Variants in GRIP2 observed in about 807,000 individuals in gnomAD.
GRIP2 encodes the protein glutamate receptor interacting protein 2, also known as glutamate receptor-interacting protein 2.
GRIP2 carries 58 observed loss-of-function variants against 108.3 expected under a neutral mutation model. The observed-to-expected ratio is 0.54, with a 90% confidence interval of 0.43 to 0.67. GRIP2 has a LOEUF of 0.67. GRIP2 is among the 30% of genes least tolerant of loss of function. The probability of loss-of-function intolerance (pLI) is 0.00; values close to 1 mark genes in which losing one functional copy is unlikely to be tolerated. For missense variants in GRIP2, 1,278 were observed against 1,430.6 expected (o/e 0.89, Z 1.72); for synonymous variants, 586 against 598.2 (o/e 0.98, Z 0.30).
the GRIP2 span, among the ~76,000 whole-genome samples, chr3:14,595,870 C>T: frequency 6.6e-6 from 1 of 152,216 alleles, no homozygotes; most frequent in Non-Finnish European, 1.5e-5. Context: ...TGCTTCCTCC[C>T]CCTTCTCTTC....
the GRIP2 span, among the ~76,000 whole-genome samples, chr3:14,596,737 G>A: frequency 1.3e-5 from 2 of 152,032 alleles, no homozygotes; most frequent in East Asian, 1.9e-4. Context: ...GATGATTAGG[G>A]AAGGCTTCTC....
chr3:14,573,432 A>T, the GRIP2 span: 19 of 1,428,046 alleles, frequency 1.3e-5, no homozygotes, highest in African/African-American at 2.5e-4. Flanking sequence ...CCTGGTGTGC[A>T]GGAAGAGGGA....
At chr3:14,573,810 T>C in the GRIP2 span, 1 of 1,545,742 alleles carries the variant, frequency 6.5e-7, no homozygotes, top group Non-Finnish European at 8.9e-7. Context: ...GCCGGCAAGC[T>C]CTGGGGCGCT....
chr3:14,528,032 C>A (rs970215309), intron 1 of GRIP2, among the ~76,000 whole-genome samples: 1 of 152,230 alleles, frequency 6.6e-6, no homozygotes, highest in African/African-American at 2.4e-5. Flanking sequence ...TATTGGCCCC[C>A]AAAATTCTCC....
rs1412372131 is a variant in GRIP2, at chr3:14,511,658, C to T, written c.1721-179G>A. On this transcript the variant is annotated intron_variant, in intron 14 of 23. Coordinates refer to ENST00000621039, the MANE Select transcript of GRIP2 (RefSeq NM_001080423.4). This position sits in a 1 kb window ranked among gnomAD's most constrained non-coding sequence, Gnocchi z 4.1. Reference sequence around the variant, plus strand: ...TCACCTCCCTGTGCATCAGTTTCCCCCCTGTAAAATGGGGGTGGCACCGCA... The same window carrying T: ...TCACCTCCCTGTGCATCAGTTTCCCTCCTGTAAAATGGGGGTGGCACCGCA... 6.6e-6 allele frequency among the ~76,000 whole-genome samples: 1 copy of T among 152,206 alleles called. No homozygotes were observed. Among genetic ancestry groups the T allele is most frequent in the Non-Finnish European group, 1.5e-5 (1 of 68,038 alleles).
Position 14,506,824 on chromosome 3 carries a change from G to A in GRIP2, c.2375C>T (p.Thr792Ile). 6.2e-7 allele frequency: 1 copy of A among 1,603,166 alleles called. No individual in the cohort carries two copies. Among genetic ancestry groups the A allele is most frequent in the East Asian group, 2.3e-5 (1 of 44,330 alleles). The change falls in exon 19 of 24, where the codon ACC (threonine) becomes ATC (isoleucine). Residue 792 changes from threonine (T) to isoleucine (I), a missense_variant. Physicochemically the swap from Thr to Ile is moderately conservative, Grantham distance 89 (BLOSUM62 -1). Coordinates refer to ENST00000621039, the MANE Select transcript of GRIP2 (RefSeq NM_001080423.4). ...SAVESWDSSA[T>I]EGGFGGPGSY... The stretch of plus-strand genomic sequence containing the variant: ...ACCTGGGCCCCCAAAGCCACCCTCG[G>A]TGGCCGAGCTGTCCCAAGACTCCAC...
the GRIP2 span, among the ~76,000 whole-genome samples, chr3:14,562,235 G>A: frequency 3.3e-5 from 5 of 152,338 alleles, no homozygotes; most frequent in African/African-American, 1.2e-4. Flanking sequence ...ATGGATGATT[G>A]CAGGGCTGAG....
At chr3:14,494,773 A>G in intron 23 of GRIP2, 70 bp downstream of exon 23, 7 of 1,515,050 alleles carry the variant, frequency 4.6e-6, no homozygotes, top group South Asian at 1.3e-5. Context: ...CGATAGATGC[A>G]GGCTCTTTCC....
At position 14,511,242 on chromosome 3, in the gene GRIP2, A is replaced by G; in HGVS notation, c.1856T>C (p.Met619Thr). 5 of 1,613,896 alleles carry G rather than the reference A, an allele frequency of 3.1e-6. No homozygotes were observed. Among genetic ancestry groups the G allele is most frequent in the Non-Finnish European group, 4.2e-6 (5 of 1,179,874 alleles). The change falls in exon 16 of 24, where the codon ATG becomes ACG. Residue 619 changes from methionine to threonine, a missense_variant. Coordinates refer to ENST00000621039, the MANE Select transcript of GRIP2 (RefSeq NM_001080423.4). The surrounding 1 kb of genome is among the most constrained non-coding windows in gnomAD (Gnocchi z 4.1). ...IDNIRLDNCP[M>T]EDAVQILRQC... ...CCGCAGGATTTGCACGGCGTCCTCCATGGGGCAGTTGTCCAGGCGGATATT... is the reference window on the plus strand; with the variant it reads ...CCGCAGGATTTGCACGGCGTCCTCCGTGGGGCAGTTGTCCAGGCGGATATT...
At chr3:14,563,017 A>G in the GRIP2 span, among the ~76,000 whole-genome samples, 79,072 of 151,492 alleles carry the variant, frequency 0.52, 20,774 homozygotes, top group African/African-American at 0.58. Flanking sequence ...GTGGGGGAAA[A>G]AAAAAAGGAG....
rs552798620 is a variant in GRIP2 at position 14,517,112 on chromosome 3, T to C, written c.1258A>G (p.Thr420Ala). ...PRGSQPMSPRTTMGRRRQRRR... is the reference protein window; with the variant it reads ...PRGSQPMSPRATMGRRRQRRR... ...CGCTGCCTCCTCCGCCCCATTGTAG[T>C]TCGAGGACTCATGGGCTGGGATCCA... is the stretch of plus-strand genomic sequence containing the variant. The change falls in exon 11 of 24, where the codon ACT becomes GCT. Residue 420 changes from threonine to alanine, a missense_variant. By Grantham distance (58) the Thr-to-Ala change is moderately conservative. Transcript: ENST00000621039. The C allele has an allele frequency of 4.0e-5, 65 of 1,609,264 alleles. 1 individual carries two copies. The South Asian group carries it at 6.5e-4, about 16-fold the overall frequency.
chr3:14,520,551 GAAAA>G lies in GRIP2; in HGVS notation c.713-18_713-15del. 1 of 1,613,132 alleles carries G rather than the reference GAAAA, an allele frequency of 6.2e-7. No individual in the cohort carries two copies. The highest frequency in any genetic ancestry group is 1.7e-5 in the Admixed American group (1 of 59,948). On this transcript the variant is annotated splice_polypyrimidine_tract_variant and intron_variant, in intron 7 of 23. Transcript: ENST00000621039. The stretch of plus-strand genomic sequence containing the variant: ...TAGCCACCGTGTCTGGCATGACGGA[GAAAA>G]AAAGTTTGAAATGCAAATACCGAGC...
the GRIP2 span, among the ~76,000 whole-genome samples, chr3:14,572,174 C>T: frequency 6.6e-6 from 1 of 152,050 alleles, no homozygotes; most frequent in African/African-American, 2.4e-5. Context: ...CAGCGTTTTC[C>T]ATAAAAGTCA....
At chr3:14,573,183 CA>C in the GRIP2 span, 2 of 1,423,894 alleles carry the variant, frequency 1.4e-6, no homozygotes, top group Non-Finnish European at 2.0e-6. Flanking sequence ...GAAGGCATGC[CA>C]GGGCCGCTCC....
At chr3:14,536,625 C>T (rs1196074164) in intron 1 of GRIP2, among the ~76,000 whole-genome samples, 6 of 152,234 alleles carry the variant, frequency 3.9e-5, no homozygotes, top group Non-Finnish European at 5.9e-5. Context: ...GTCCAGCAGG[C>T]CTGAGCCACA....
Position 14,513,760 on chromosome 3 carries a change from G to T in GRIP2, c.1544C>A (p.Ala515Asp), listed in dbSNP as rs902392390. Residue 515 changes from alanine to aspartate, a missense_variant, in exon 13 of 24, where the codon GCC becomes GAC. By Grantham distance (126) the Ala-to-Asp change is moderately radical. Coordinates refer to ENST00000621039, the MANE Select transcript of GRIP2 (RefSeq NM_001080423.4). ...TTCCTCCATAGTCCCGTCCTCGGTGGCAATGCCATTGATGGACAGGACACG... is the reference window on the plus strand; with the variant it reads ...TTCCTCCATAGTCCCGTCCTCGGTGTCAATGCCATTGATGGACAGGACACG... ...GDRVLSINGIATEDGTMEEAN... is the reference protein window; with the variant it reads ...GDRVLSINGIDTEDGTMEEAN... 1.2e-6 allele frequency: 2 copies of T among 1,612,090 alleles called. No homozygotes were observed. The highest frequency in any genetic ancestry group is 2.7e-5 in the African/African-American group (2 of 74,918).
chr3:14,513,696 C>A lies in GRIP2; in HGVS notation c.1608G>T (p.Lys536Asn). The change falls in exon 13 of 24, where the codon AAG becomes AAT. Residue 536 changes from lysine (K) to asparagine (N), a missense_variant. Transcript: ENST00000621039. ...QLLRDAALAH[K>N]VVLEVEFDVA... is the part of the protein sequence containing the mutation. ...CATCGAACTCCACCTCCAGCACGAC[C>A]TTGTGGGCCAGTGCGGCGTCCCGCA... 1.2e-6 allele frequency: 2 copies of A among 1,610,906 alleles called. No individual in the cohort carries two copies. Among genetic ancestry groups the A allele is most frequent in the Middle Eastern group, 1.7e-4 (1 of 6,056 alleles).
chr3:14,571,584 T>C, the GRIP2 span, among the ~76,000 whole-genome samples: 1 of 151,998 alleles, frequency 6.6e-6, no homozygotes, highest in Non-Finnish European at 1.5e-5. Context: ...GCCTGAAGAA[T>C]GACAGCCTGA....
chr3:14,565,791 G>T, the GRIP2 span, among the ~76,000 whole-genome samples: 5 of 152,314 alleles, frequency 3.3e-5, no homozygotes, highest in South Asian at 1.0e-3. Context: ...CTCCCACCTG[G>T]CCCATAGAAA....
Sources: gnomAD v4.1 joint callset for allele counts (sites outside exome capture counted in the v4.1 genomes callset) on GRCh38, gnomAD v4.1.1 for gene constraint, Gnocchi (gnomAD v3.1) non-coding constraint, MANE v1.5 for transcripts, NCBI Gene and HGNC (gene_info 2026-07-23, HGNC 2026-07-21) for gene names.